Variants in DENND1A observed in about 807,000 individuals in gnomAD.
The protein encoded by DENND1A is DENN domain containing 1A.
DENND1A carries 51 observed loss-of-function variants against 113.7 expected under a neutral mutation model. That is an observed-to-expected ratio of 0.45 (90% CI 0.36 to 0.57). DENND1A has a LOEUF of 0.57. Among genes scored for constraint, DENND1A ranks in the 20% least tolerant of loss-of-function variants. DENND1A has a pLI of 0.00. For synonymous variants in DENND1A, 565 were observed against 570.8 expected (o/e 0.99, Z 0.14); for missense variants, 1,258 against 1,395.9 (o/e 0.90, Z 1.57).
chr9:123,752,678 C>G (rs538294990), intron 5 of DENND1A, among the ~76,000 whole-genome samples: 1 of 152,284 alleles, frequency 6.6e-6, no homozygotes, highest in South Asian at 2.1e-4. Flanking sequence ...CAGTTTTGGC[C>G]TTGATGGAGT....
intron 2 of DENND1A, among the ~76,000 whole-genome samples, chr9:123,834,075 GA>G (rs1840702784): frequency 1.3e-5 from 2 of 152,028 alleles, no homozygotes; most frequent in Admixed American, 1.3e-4. Flanking sequence ...GGCTCAAATA[GA>G]ATACAGTTGT....
At chr9:123,753,380 A>T (rs2070232924) in intron 5 of DENND1A, among the ~76,000 whole-genome samples, 1 of 152,250 alleles carries the variant, frequency 6.6e-6, no homozygotes, top group Admixed American at 6.5e-5. Flanking sequence ...GGTGTCTAAA[A>T]ACCTTTCATT....
intron 12 of DENND1A, chr9:123,569,538 T>C (rs560932906): frequency 2.0e-5 from 3 of 152,342 alleles, no homozygotes; most frequent in African/African-American, 7.2e-5. Context: ...TCCTCGATCG[T>C]TGACAAATCA....
chr9:123,489,064 CCT>C (rs1209550270), intron 13 of DENND1A, among the ~76,000 whole-genome samples: 1 of 152,026 alleles, frequency 6.6e-6, no homozygotes, highest in Non-Finnish European at 1.5e-5. Context: ...CTTCCTCTTC[CCT>C]CTGTTACACA....
intron 1 of DENND1A, among the ~76,000 whole-genome samples, chr9:123,894,321 C>T (rs988159887): frequency 6.6e-6 from 1 of 152,220 alleles, no homozygotes; most frequent in Non-Finnish European, 1.5e-5. Context: ...TGCTAGGTTT[C>T]AACCATCATC....
intron 11 of DENND1A, among the ~76,000 whole-genome samples, chr9:123,598,413 G>C (rs926604597): frequency 6.6e-6 from 1 of 150,972 alleles, no homozygotes; most frequent in Admixed American, 6.6e-5. Context: ...TTTGAGGTTG[G>C]GGGAGGGGGG....
At chr9:123,430,295 CT>C (rs1169632483) in intron 19 of DENND1A, among the ~76,000 whole-genome samples, 1 of 152,176 alleles carries the variant, frequency 6.6e-6, no homozygotes, top group Non-Finnish European at 1.5e-5. Flanking sequence ...CCATAAAGAT[CT>C]AAAGCATAAA....
chr9:123,799,900 A>G (rs1447139752), intron 2 of DENND1A, among the ~76,000 whole-genome samples: 1 of 152,248 alleles, frequency 6.6e-6, no homozygotes, highest in Non-Finnish European at 1.5e-5. Context: ...AATAAATATT[A>G]GTTGTTGTTA....
At chr9:123,803,807 A>T (rs1410758125) in intron 2 of DENND1A, among the ~76,000 whole-genome samples, 1 of 152,224 alleles carries the variant, frequency 6.6e-6, no homozygotes, top group Non-Finnish European at 1.5e-5. Context: ...ATATTCTTTG[A>T]AACAGTGTCT....
intron 10 of DENND1A, among the ~76,000 whole-genome samples, chr9:123,629,621 G>A (rs1301393340): frequency 6.6e-6 from 1 of 152,218 alleles, no homozygotes; most frequent in Admixed American, 6.5e-5. Flanking sequence ...TTAAAGCCAA[G>A]TGACTTGCCC....
chr9:123,849,058 C>T (rs1842991458), intron 2 of DENND1A, among the ~76,000 whole-genome samples: 1 of 152,184 alleles, frequency 6.6e-6, no homozygotes, highest in Non-Finnish European at 1.5e-5. Flanking sequence ...GCAGAAGCTG[C>T]AACAAGTTAT....
chr9:123,412,321 C>T (rs533323730), intron 19 of DENND1A, among the ~76,000 whole-genome samples: 1 of 152,246 alleles, frequency 6.6e-6, no homozygotes, highest in African/African-American at 2.4e-5. Context: ...TGCCACCCAC[C>T]CTCCGGGTGG....
chr9:123,832,446 C>A, intron 2 of DENND1A, among the ~76,000 whole-genome samples: 1 of 152,184 alleles, frequency 6.6e-6, no homozygotes, highest in East Asian at 1.9e-4. Flanking sequence ...AGTTCCACCA[C>A]ATTGGAAAAC....
chr9:123,872,615 CAAG>C lies in DENND1A; in HGVS notation c.88+6333_88+6335del, dbSNP rs538731558. On this transcript the variant is annotated intron_variant, in intron 2 of 23. Transcript: ENST00000394215. ...AATTTTTCTCTTGTTCATCATTTTC[CAAG>C]AAGTTTAAAATTTTACATACTCAAG... 1.3e-4 allele frequency among the ~76,000 whole-genome samples: 20 copies of C among 151,824 alleles called. 1 individual carries two copies. The highest frequency in any genetic ancestry group is 2.8e-4 in the Non-Finnish European group (19 of 67,954).
intron 2 of DENND1A, among the ~76,000 whole-genome samples, chr9:123,809,821 C>T (rs557604758): frequency 7.9e-5 from 12 of 152,160 alleles, no homozygotes; most frequent in Non-Finnish European, 1.6e-4. Context: ...CAGGCATGCA[C>T]CACCCTGCCC....
At chr9:123,818,756 T>C (rs1837994956) in intron 2 of DENND1A, among the ~76,000 whole-genome samples, 2 of 152,156 alleles carry the variant, frequency 1.3e-5, no homozygotes, top group Admixed American at 1.3e-4. Context: ...TGGCATCATG[T>C]CAGCACCACA....
intron 13 of DENND1A, among the ~76,000 whole-genome samples, chr9:123,532,383 C>T (rs1386408509): frequency 6.6e-6 from 1 of 152,184 alleles, no homozygotes; most frequent in Non-Finnish European, 1.5e-5. Flanking sequence ...GATCACACAC[C>T]ACGTTCCGTT....
intron 2 of DENND1A, among the ~76,000 whole-genome samples, chr9:123,796,229 C>T (rs574790597): frequency 6.6e-6 from 1 of 152,156 alleles, no homozygotes; most frequent in Non-Finnish European, 1.5e-5. Context: ...CCATGGCCAT[C>T]AAAGAGGCTG....
chr9:123,591,284 C>A (rs890618943), intron 11 of DENND1A, among the ~76,000 whole-genome samples: 2 of 152,182 alleles, frequency 1.3e-5, no homozygotes, highest in African/African-American at 4.8e-5. Flanking sequence ...GGGGGAGTGT[C>A]CTACCTGTCC....
Sources: allele counts gnomAD v4.1 joint callset (sites outside exome capture counted in the v4.1 genomes callset), GRCh38; gene constraint gnomAD v4.1.1; transcripts MANE v1.5; gene names NCBI Gene and HGNC (gene_info 2026-07-23, HGNC 2026-07-21).